The following DLGAP2 variants were observed in gnomAD, a reference collection of about 807,000 sequenced individuals.
The protein encoded by DLGAP2 is disks large-associated protein 2.
A neutral mutation model predicts 100.3 loss-of-function variants in DLGAP2; 26 were observed. The ratio of observed to expected loss-of-function variants is 0.26; its 90% CI spans 0.19 to 0.36. The LOEUF is 0.36. Among genes scored for constraint, DLGAP2 ranks in the 10% least tolerant of loss-of-function variants. DLGAP2 has a pLI of 1.00. For missense variants in DLGAP2, 1,858 were observed against 1,453.2 expected (o/e 1.28, Z -4.53); for synonymous variants, 886 against 630.1 (o/e 1.41, Z -6.08).
chr8:1,696,506 C>T (rs1007005622), intron 13 of DLGAP2, among the ~76,000 whole-genome samples: 1 of 152,120 alleles, frequency 6.6e-6, no homozygotes, highest in African/African-American at 2.4e-5. Flanking sequence ...TCAAAAATAA[C>T]ATACATAAAT....
intron 1 of DLGAP2, among the ~76,000 whole-genome samples, chr8:823,310 CATTATTATT>C (rs5888817): frequency 3.4e-5 from 5 of 148,422 alleles, no homozygotes; most frequent in Non-Finnish European, 4.5e-5. Context: ...AGCTTGAATT[CATTATTATT>C]ATTATTATTA....
At chr8:1,236,794 CTAGTTA>C in intron 2 of DLGAP2, among the ~76,000 whole-genome samples, 1 of 68,348 alleles carries the variant, frequency 1.5e-5, no homozygotes, top group African/African-American at 7.0e-5. Context: ...GGCGCCGTGT[CTAGTTA>C]CCTCTCACAT....
At chr8:1,455,345 G>T (rs740246) in intron 3 of DLGAP2, among the ~76,000 whole-genome samples, 22,788 of 152,238 alleles carry the variant, frequency 0.15, 1,970 homozygotes, top group South Asian at 0.27. Flanking sequence ...CCGATGGTGG[G>T]GCCAAGGCCG....
At position 1,268,539 on chromosome 8, in the gene DLGAP2, A is replaced by T. The variant is rs117351225; in HGVS notation, c.106+9656A>T. ...AGGAACTTTGTTTTAAAATGAGAAC[A>T]TCATTCGTGCCATTTCACAAGAAGC... On this transcript the variant is annotated intron_variant, in intron 3 of 14. Coordinates refer to ENST00000637795, the MANE Select transcript of DLGAP2 (RefSeq NM_001346810.2). Among the ~76,000 whole-genome samples the T allele has an allele frequency of 2.4e-3, 372 of 152,286 alleles. 12 individuals carry two copies. In the East Asian group the frequency reaches 0.06, roughly 25 times the overall value.
At chr8:964,906 T>A (rs1799810958) in intron 2 of DLGAP2, among the ~76,000 whole-genome samples, 1 of 152,192 alleles carries the variant, frequency 6.6e-6, no homozygotes, top group Admixed American at 6.5e-5. Flanking sequence ...TCCCGCTCGC[T>A]GAGCCCGACT....
At chr8:1,600,501 A>G (rs1796591644) in intron 6 of DLGAP2, among the ~76,000 whole-genome samples, 1 of 152,172 alleles carries the variant, frequency 6.6e-6, no homozygotes, top group Non-Finnish European at 1.5e-5. Context: ...CGTCACTTTC[A>G]GGTACATTAA....
At chr8:807,311 C>G (rs1796289239) in intron 1 of DLGAP2, among the ~76,000 whole-genome samples, 1 of 88,178 alleles carries the variant, frequency 1.1e-5, no homozygotes, top group South Asian at 5.3e-4. Flanking sequence ...TCCTCTTTTT[C>G]TTCTCATTCA....
At chr8:1,389,570 A>C (rs1231032704) in intron 3 of DLGAP2, among the ~76,000 whole-genome samples, 4 of 152,170 alleles carry the variant, frequency 2.6e-5, no homozygotes, top group Non-Finnish European at 1.5e-5. Context: ...ACCAATCTGC[A>C]CAGTTCTTTG....
At chr8:1,576,861 T>C (rs1171106418) in intron 6 of DLGAP2, among the ~76,000 whole-genome samples, 2 of 152,188 alleles carry the variant, frequency 1.3e-5, no homozygotes, top group African/African-American at 4.8e-5. Context: ...AATTTATAGA[T>C]TCAGTGCCAT....
intron 2 of DLGAP2, among the ~76,000 whole-genome samples, chr8:1,068,562 A>G (rs1803327750): frequency 2.0e-5 from 3 of 152,066 alleles, no homozygotes; most frequent in South Asian, 4.1e-4. Flanking sequence ...CAGTGGCTCT[A>G]TCTGTGCATC....
chr8:897,656 CCTTCCCTGCCCCGGCAGCCG>C (rs1417451377), intron 1 of DLGAP2, among the ~76,000 whole-genome samples: 10 of 152,206 alleles, frequency 6.6e-5, no homozygotes, highest in African/African-American at 2.4e-4. Flanking sequence ...CTCTGCCGCC[CCTTCCCTGCCCCGGCAGCCG>C]CTCTCCTCCC....
At chr8:1,539,767 C>T (rs909393994) in intron 4 of DLGAP2, among the ~76,000 whole-genome samples, 3 of 152,186 alleles carry the variant, frequency 2.0e-5, no homozygotes, top group Admixed American at 6.5e-5. Flanking sequence ...ATATAGAAGA[C>T]CTTCTGTGTG....
chr8:1,208,851 C>T (rs1452020188), intron 2 of DLGAP2, among the ~76,000 whole-genome samples: 1 of 150,058 alleles, frequency 6.7e-6, no homozygotes, highest in African/African-American at 2.5e-5. Context: ...CACCCCTTTA[C>T]AATAATAGCT....
chr8:1,151,353 G>A (rs1318214622), intron 2 of DLGAP2, among the ~76,000 whole-genome samples: 1 of 152,222 alleles, frequency 6.6e-6, no homozygotes, highest in African/African-American at 2.4e-5. Flanking sequence ...ACTCAGAGGA[G>A]CAGGAGACTC....
At chr8:1,234,031 C>T (rs1798591899) in intron 2 of DLGAP2, among the ~76,000 whole-genome samples, 2 of 152,156 alleles carry the variant, frequency 1.3e-5, no homozygotes, top group Non-Finnish European at 2.9e-5. Context: ...GCTAATGGCA[C>T]TATTGAAAGG....
chr8:835,087 G>A (rs1186282449), intron 1 of DLGAP2, among the ~76,000 whole-genome samples: 2 of 152,160 alleles, frequency 1.3e-5, no homozygotes, highest in Admixed American at 6.5e-5. Context: ...GTGTGCACGT[G>A]TGTTAATGTG....
intron 6 of DLGAP2, among the ~76,000 whole-genome samples, chr8:1,613,967 A>G (rs1232034271): frequency 6.6e-6 from 1 of 152,226 alleles, no homozygotes; most frequent in Admixed American, 6.5e-5. Flanking sequence ...TACAAATATG[A>G]ACAGTAAGGC....
intron 6 of DLGAP2, among the ~76,000 whole-genome samples, chr8:1,584,577 G>A (rs893976978): frequency 2.0e-5 from 3 of 152,192 alleles, no homozygotes; most frequent in African/African-American, 7.2e-5. Flanking sequence ...GCCAGCACGT[G>A]CAGAGAGAGC....
intron 2 of DLGAP2, among the ~76,000 whole-genome samples, chr8:1,233,698 G>A (rs1798584137): frequency 6.6e-6 from 1 of 152,192 alleles, no homozygotes; most frequent in South Asian, 2.1e-4. Flanking sequence ...CTAAGAGTGT[G>A]TTGAGCACAT....
Sources: allele counts gnomAD v4.1 joint callset (sites outside exome capture counted in the v4.1 genomes callset), GRCh38; gene constraint gnomAD v4.1.1; transcripts MANE v1.5; gene names NCBI Gene and HGNC (gene_info 2026-07-23, HGNC 2026-07-21).